HMGXB3: variants seen among roughly 807,000 people sequenced by gnomAD.
The protein encoded by HMGXB3 is HMG domain-containing protein 3.
A neutral mutation model predicts 121.5 loss-of-function variants in HMGXB3; 45 were observed. The observed-to-expected ratio is 0.37, with a 90% CI of 0.29 to 0.47. HMGXB3 has a LOEUF of 0.47. Among genes scored for constraint, HMGXB3 ranks in the 20% least tolerant of loss-of-function variants. The pLI, the probability that HMGXB3 is intolerant of heterozygous loss-of-function variation, is 0.99. For synonymous variants in HMGXB3, 590 were observed against 624.1 expected (o/e 0.95, Z 0.81); for missense variants, 1,376 against 1,602.2 (o/e 0.86, Z 2.41).
rs924556205 is a variant in HMGXB3 at position 150,050,467 on chromosome 5, T to C, written c.3411+6T>C. ...GCCCCACAGAGCCACCTGTGGTGAG[T>C]CACCTCCTGAGGAACTGCCATGTCT... On this transcript the variant is annotated splice_donor_region_variant and intron_variant, in intron 19 of 19. Transcript: ENST00000502717. 53 of 1,545,260 alleles carry C rather than the reference T, an allele frequency of 3.4e-5. No individual in the cohort carries two copies. Among genetic ancestry groups the C allele is most frequent in the Admixed American group, 5.9e-5 (3 of 50,938 alleles).
chr5:150,008,893 T>G (rs764039156), intron 3 of HMGXB3, among the ~76,000 whole-genome samples: 12 of 152,390 alleles, frequency 7.9e-5, no homozygotes, highest in Non-Finnish European at 1.8e-4. Context: ...TCTGCTTTTA[T>G]GTTTCATCTG....
At chr5:150,032,381 T>C in intron 10 of HMGXB3, 73 bp from the exon 11 acceptor site, 1 of 1,397,122 alleles carries the variant, frequency 7.2e-7, no homozygotes, top group South Asian at 1.4e-5. Flanking sequence ...TGGCAGCTGC[T>C]CATTCTGGTT....
At chr5:150,038,059 A>G (rs1756539791) in intron 13 of HMGXB3, among the ~76,000 whole-genome samples, 2 of 152,160 alleles carry the variant, frequency 1.3e-5, no homozygotes, top group South Asian at 4.1e-4. Flanking sequence ...TCCAGTTTAC[A>G]CTTTTGTGAT....
intron 6 of HMGXB3, among the ~76,000 whole-genome samples, chr5:150,020,278 C>T (rs1756058072): frequency 6.6e-6 from 1 of 152,218 alleles, no homozygotes. Flanking sequence ...TTGTCTAAGG[C>T]TCTTGTGCCA....
At chr5:150,050,144 C>A in intron 18 of HMGXB3, 108 bp from the exon 19 acceptor site, 1 of 958,360 alleles carries the variant, frequency 1.0e-6, no homozygotes, top group Non-Finnish European at 1.6e-6. Flanking sequence ...ATGGCTTCGG[C>A]CCTGAAGCTG....
At chr5:150,035,706 G>A (rs992677586) in intron 11 of HMGXB3, among the ~76,000 whole-genome samples, 4 of 152,040 alleles carry the variant, frequency 2.6e-5, no homozygotes, top group African/African-American at 9.7e-5. Flanking sequence ...AACACAAAGC[G>A]GGGAGTGATT....
At chr5:150,034,961 T>A (rs1756469010) in intron 11 of HMGXB3, among the ~76,000 whole-genome samples, 1 of 152,220 alleles carries the variant, frequency 6.6e-6, no homozygotes, top group Non-Finnish European at 1.5e-5. Flanking sequence ...GATTAATTAA[T>A]TCTCTCAGCC....
Position 150,037,434 on chromosome 5 carries a change from A to T in HMGXB3, c.2320A>T (p.Thr774Ser). The change falls in exon 13 of 20, where the codon ACA (threonine) becomes TCA (serine). Residue 774 changes from threonine to serine, a missense_variant. Transcript: ENST00000502717. ...LAGPQECWLLTASRLQTVTAQ... is the reference protein window; with the variant it reads ...LAGPQECWLLSASRLQTVTAQ... Reference sequence around the variant, plus strand: ...TGGGCCCCAGGAGTGCTGGCTGCTGACAGCCAGCCGTCTGCAGACAGTGAC... The same window carrying T: ...TGGGCCCCAGGAGTGCTGGCTGCTGTCAGCCAGCCGTCTGCAGACAGTGAC... 1 of 1,550,628 alleles carries T rather than the reference A, an allele frequency of 6.4e-7. No individual in the cohort carries two copies. The highest frequency in any genetic ancestry group is 8.7e-7 in the Non-Finnish European group (1 of 1,146,344).
chr5:150,002,879 A>G (rs1755611228), intron 1 of HMGXB3, among the ~76,000 whole-genome samples: 1 of 152,202 alleles, frequency 6.6e-6, no homozygotes, highest in Admixed American at 6.5e-5. Flanking sequence ...GTGGTGGCTC[A>G]TGCCTGTAAT....
Position 150,032,501 on chromosome 5 carries a change from C to G in HMGXB3, c.1881C>G (p.Pro627=), listed in dbSNP as rs112829017. 1.2e-5 allele frequency: 19 copies of G among 1,551,802 alleles called. 2 individuals carry two copies. The highest frequency in any genetic ancestry group is 1.1e-4 in the African/African-American group (8 of 73,158). Residue 627 remains proline, a synonymous_variant, in exon 11 of 20, where the codon CCC becomes CCG. Coordinates refer to ENST00000502717, the MANE Select transcript of HMGXB3 (RefSeq NM_014983.3). The stretch of plus-strand genomic sequence containing the variant: ...GAGGCCGGGGAAAGTGCAAGAATCC[C>G]TCTTGTAGCTATGTCTACACCAACA... ...TSRGRGKCKN[P]SCSYVYTNRH...
chr5:150,021,157 G>C (rs1756083821), intron 6 of HMGXB3, among the ~76,000 whole-genome samples: 1 of 152,124 alleles, frequency 6.6e-6, no homozygotes, highest in Non-Finnish European at 1.5e-5. Context: ...AATGTGTTCT[G>C]CAAGGATTAC....
chr5:150,032,353 C>G, intron 10 of HMGXB3, 101 bp from the exon 11 acceptor site: 3 of 1,120,400 alleles, frequency 2.7e-6, no homozygotes, highest in East Asian at 2.6e-5. Flanking sequence ...GCAGTTGCCA[C>G]TCTCTTCTCT....
chr5:150,028,497 A>ATGTGTGTGTGTGTG (rs1163846771), intron 9 of HMGXB3, among the ~76,000 whole-genome samples: 1 of 66,476 alleles, frequency 1.5e-5, no homozygotes, highest in African/African-American at 1.3e-4. Flanking sequence ...ATGTATATAT[A>ATGTGTGTGTGTGTG]TGTATGTATG....
chr5:150,050,742 A>G (rs1756870615), intron 19 of HMGXB3, among the ~76,000 whole-genome samples: 3 of 152,176 alleles, frequency 2.0e-5, no homozygotes. Context: ...CAGCCTGTCA[A>G]AGTGCTGGGA....
Position 150,048,662 on chromosome 5 carries a change from A to G in HMGXB3, c.3178A>G (p.Ile1060Val). The change falls in exon 18 of 20, where the codon ATC becomes GTC. Residue 1060 changes from isoleucine to valine, a missense_variant. Transcript: ENST00000502717. ...RPPRHFTGGK[I>V]YKVCPHQVVC... is the part of the protein sequence containing the mutation. ...CCCACGTCACTTCACAGGTGGTAAA[A>G]TCTACAAGGTGTGCCCCCATCAGGT... 1 of 1,551,024 alleles carries G rather than the reference A, an allele frequency of 6.4e-7. No homozygotes were observed. Among genetic ancestry groups the G allele is most frequent in the Non-Finnish European group, 8.7e-7 (1 of 1,146,300 alleles).
Position 150,047,716 on chromosome 5 carries a change from C to T in HMGXB3, c.3043C>T (p.Leu1015=). 2 of 1,551,786 alleles carry T rather than the reference C, an allele frequency of 1.3e-6. No individual in the cohort carries two copies. The highest frequency in any genetic ancestry group is 2.4e-5 in the East Asian group (1 of 40,930). ...SYSEEKLQHL[L]RQCGIPFGAE... ...CAGTGAAGAGAAGCTGCAGCACCTG[C>T]TAAGGCAGTGTGGAATCCCCTTTGG... Residue 1015 remains leucine, a synonymous_variant, in exon 17 of 20, where the codon CTA becomes TTA. Transcript: ENST00000502717.
intron 18 of HMGXB3, 42 bp from the exon 19 acceptor site, chr5:150,050,210 G>A (rs1486056543): frequency 1.0e-5 from 15 of 1,484,290 alleles, no homozygotes; most frequent in Non-Finnish European, 1.3e-5. Flanking sequence ...CTGCAGACTG[G>A]CTTCCTAATT....
chr5:150,019,038 G>T (rs1756023910), intron 6 of HMGXB3, among the ~76,000 whole-genome samples: 1 of 147,654 alleles, frequency 6.8e-6, no homozygotes, highest in African/African-American at 2.5e-5. Context: ...TTGTTGCTCT[G>T]GCCTCAAACA....
At chr5:150,027,646 G>A (rs1247185397) in intron 9 of HMGXB3, among the ~76,000 whole-genome samples, 1 of 152,040 alleles carries the variant, frequency 6.6e-6, no homozygotes, top group Non-Finnish European at 1.5e-5. Flanking sequence ...CACCTCCTGG[G>A]TTCAAGTGGT....
Sources: allele counts gnomAD v4.1 joint callset (sites outside exome capture counted in the v4.1 genomes callset), GRCh38; gene constraint gnomAD v4.1.1; transcripts MANE v1.5; gene names NCBI Gene and HGNC (gene_info 2026-07-23, HGNC 2026-07-21).